Variants in AVEN observed in about 807,000 individuals in gnomAD.
The protein encoded by AVEN is cell death regulator Aven.
In AVEN, 41 loss-of-function variants were observed where a neutral mutation model predicts 38.1. That is an observed-to-expected ratio of 1.08 (90% CI 0.84 to 1.40). The LOEUF (loss-of-function observed/expected upper bound fraction) is 1.40, where lower values mean the gene tolerates loss of function less well. AVEN is among the 40% of genes most tolerant of loss of function. The pLI is 0.00. For synonymous variants in AVEN, 206 were observed against 171.8 expected (o/e 1.20, Z -1.56); for missense variants, 605 against 438.8 (o/e 1.38, Z -3.38).
chr15:34,068,095 CCA>C (rs1900553992), intron 2 of AVEN, among the ~76,000 whole-genome samples: 1 of 151,504 alleles, frequency 6.6e-6, no homozygotes, highest in South Asian at 2.1e-4. Context: ...TAACGTTTTG[CCA>C]CATCTGTGCC....
chr15:33,903,087 CT>C (rs1382817709), intron 2 of AVEN, among the ~76,000 whole-genome samples: 1 of 152,178 alleles, frequency 6.6e-6, no homozygotes, highest in Non-Finnish European at 1.5e-5. Flanking sequence ...CTAGATACTT[CT>C]TTTCCAGCAT....
chr15:33,878,050 C>G (rs1891322555), intron 2 of AVEN, among the ~76,000 whole-genome samples: 1 of 152,064 alleles, frequency 6.6e-6, no homozygotes, highest in Non-Finnish European at 1.5e-5. Context: ...CAGGAATAAA[C>G]ATTTATTAAA....
At chr15:33,881,247 G>T (rs552745745) in intron 2 of AVEN, among the ~76,000 whole-genome samples, 2 of 151,758 alleles carry the variant, frequency 1.3e-5, no homozygotes, top group East Asian at 1.9e-4. Flanking sequence ...ACACCACCAT[G>T]CCCAGCAAAT....
At chr15:34,046,502 T>C (rs1457777130) in intron 5 of AVEN, 1 of 152,218 alleles carries the variant, frequency 6.6e-6, no homozygotes, top group Non-Finnish European at 1.5e-5. Flanking sequence ...AATTCCAATT[T>C]AACAGCCCCT....
chr15:34,033,501 G>A lies in AVEN; in HGVS notation c.267+5279C>T, dbSNP rs141307176. Among the ~76,000 whole-genome samples, 217 of 145,792 alleles carry A rather than the reference G, an allele frequency of 1.5e-3. 2 individuals are homozygous for A. The highest frequency in any genetic ancestry group is 4.9e-3 in the African/African-American group (193 of 39,446). ...AGCCTGGGTAACAGAGCGAGGCTCCGTCTCAAAAAAAAAAAAAAAATTGCA... is the reference window on the plus strand; with the variant it reads ...AGCCTGGGTAACAGAGCGAGGCTCCATCTCAAAAAAAAAAAAAAAATTGCA... On this transcript the variant is annotated intron_variant, in intron 1 of 5. Coordinates refer to ENST00000306730, the MANE Select transcript of AVEN (RefSeq NM_020371.3).
intron 2 of AVEN, among the ~76,000 whole-genome samples, chr15:33,887,294 C>A (rs1370209539): frequency 6.6e-6 from 1 of 152,110 alleles, no homozygotes; most frequent in Admixed American, 6.5e-5. Flanking sequence ...AGGGATTGTG[C>A]TCACTAAACC....
chr15:33,930,341 CA>C (rs10610430), intron 2 of AVEN, among the ~76,000 whole-genome samples: 116,759 of 141,506 alleles, frequency 0.83, 48,390 homozygotes, highest in East Asian at 0.94. Context: ...CCATCTAGGA[CA>C]AAAAAAAAAA....
At chr15:33,951,107 C>G (rs953584274) in intron 2 of AVEN, among the ~76,000 whole-genome samples, 6 of 151,946 alleles carry the variant, frequency 3.9e-5, no homozygotes, top group Non-Finnish European at 5.9e-5. Context: ...AACAAACCCA[C>G]AAGGGTGAAC....
the AVEN span, chr15:33,852,987 G>A: frequency 6.9e-7 from 1 of 1,445,386 alleles, no homozygotes; most frequent in South Asian, 1.2e-5. Context: ...AACGTTTCTT[G>A]ATGTGTTTTC....
Position 33,871,168 on chromosome 15 carries a change from T to TA in AVEN, c.517-139dup, listed in dbSNP as rs529809973. 1.1e-3 allele frequency: 499 copies of TA among 471,026 alleles called. 9 individuals carry two copies. The South Asian group carries it at 0.031, about 30-fold the overall frequency. The allele number at this position is 471,026 out of a possible 1,614,324, so 29.2% of individuals were successfully genotyped here. On this transcript the variant is annotated intron_variant, in intron 3 of 5. Transcript: ENST00000306730. ...CACACCATACATCACACTTATGTGT[T>TA]AGAGTTTCTGCATCTCCACATTATG...
At chr15:33,883,699 T>C (rs377026586) in intron 2 of AVEN, 1 of 152,222 alleles carries the variant, frequency 6.6e-6, no homozygotes, top group East Asian at 1.9e-4. Flanking sequence ...GAAGGAAACT[T>C]TTCCTTTTGA....
chr15:34,061,032 AT>A (rs555025780), intron 5 of AVEN, among the ~76,000 whole-genome samples: 1,612 of 148,224 alleles, frequency 0.011, 15 homozygotes, highest in African/African-American at 0.012. Flanking sequence ...AAAAAAAAAG[AT>A]TTTTTTTTTC....
chr15:33,954,640 C>T (rs1894889101), intron 2 of AVEN, among the ~76,000 whole-genome samples: 2 of 130,922 alleles, frequency 1.5e-5, no homozygotes, highest in Non-Finnish European at 3.1e-5. Context: ...CATCACACCC[C>T]AGGGCCTGTC....
chr15:34,034,432 C>A (rs1335047476), intron 1 of AVEN, among the ~76,000 whole-genome samples: 3 of 131,026 alleles, frequency 2.3e-5, no homozygotes, highest in Non-Finnish European at 4.9e-5. Context: ...CAAAGTGAGA[C>A]CCAGTTTCTT....
chr15:34,020,487 G>A (rs1415380252), intron 1 of AVEN, among the ~76,000 whole-genome samples: 3 of 152,240 alleles, frequency 2.0e-5, no homozygotes, highest in East Asian at 3.9e-4. Context: ...TCTGGTTTAA[G>A]CCTCTAAGCA....
chr15:33,917,542 T>C (rs1467878674), intron 2 of AVEN, among the ~76,000 whole-genome samples: 1 of 133,848 alleles, frequency 7.5e-6, no homozygotes, highest in East Asian at 2.2e-4. Context: ...TATATATATA[T>C]CAATCACACA....
chr15:33,973,678 T>C (rs1171789591), intron 2 of AVEN, among the ~76,000 whole-genome samples: 1 of 152,086 alleles, frequency 6.6e-6, no homozygotes, highest in Non-Finnish European at 1.5e-5. Flanking sequence ...TCCATCTCTA[T>C]AAAAAAATCT....
intron 2 of AVEN, among the ~76,000 whole-genome samples, chr15:33,976,840 T>C (rs1464152490): frequency 6.6e-6 from 1 of 152,166 alleles, no homozygotes; most frequent in Admixed American, 6.5e-5. Context: ...ATCCTAGGCA[T>C]AGAAACATAA....
intron 2 of AVEN, among the ~76,000 whole-genome samples, chr15:33,973,533 T>A (rs1389720139): frequency 6.6e-6 from 1 of 152,182 alleles, no homozygotes; most frequent in African/African-American, 2.4e-5. Flanking sequence ...ACTTCTTTCA[T>A]AACACCTTGT....
Sources: allele counts gnomAD v4.1 joint callset (sites outside exome capture counted in the v4.1 genomes callset), GRCh38; gene constraint gnomAD v4.1.1; transcripts MANE v1.5; gene names NCBI Gene and HGNC (gene_info 2026-07-23, HGNC 2026-07-21).